Variants in AFF3 observed in about 807,000 individuals in gnomAD.
AFF3 encodes AF4/FMR2 family member 3.
AFF3 carries 32 observed loss-of-function variants against 129.7 expected under a neutral mutation model. The observed-to-expected ratio is 0.25, with a 90% CI of 0.19 to 0.33. The LOEUF is 0.33. AFF3 is among the 10% of genes least tolerant of loss of function. The pLI, the probability that AFF3 is intolerant of heterozygous loss-of-function variation, is 1.00. For synonymous variants in AFF3, 644 were observed against 635.4 expected, an observed-to-expected ratio of 1.01 and a Z score of -0.20; for missense variants, 1,373 against 1,592.0, an observed-to-expected ratio of 0.86 and a Z score of 2.34.
In AFF3 at chr2:99,672,433, A is replaced by G; in HGVS notation, c.1143+105T>C. The G allele has an allele frequency of 6.8e-6, 7 of 1,026,074 alleles. No individual in the cohort carries two copies. In the South Asian group the frequency reaches 1.0e-4, roughly 15 times the overall value. 63.6% of individuals were successfully genotyped at this position (1,026,074 alleles called of 1,614,324 possible). ...CACACTTAGCAGACAAAAGACCAGC[A>G]GCCTGGAGTGCCACCATTCAGCTTG... On this transcript the variant is annotated intron_variant, in intron 12 of 24. Transcript: ENST00000672756.
chr2:99,563,855 ATTTGTCTT>A (rs1237956108), intron 20 of AFF3, among the ~76,000 whole-genome samples: 3 of 151,468 alleles, frequency 2.0e-5, no homozygotes, highest in Non-Finnish European at 4.4e-5. Context: ...AAAGAGCCAA[ATTTGTCTT>A]TTTGTCTTTG....
intron 4 of AFF3, among the ~76,000 whole-genome samples, chr2:100,055,395 A>G (rs561534429): frequency 1.3e-5 from 2 of 150,328 alleles, no homozygotes; most frequent in East Asian, 2.0e-4. Flanking sequence ...TGCACTCCCC[A>G]CTAGCACCCT....
At chr2:100,131,330 C>A (rs569161582) in intron 1 of AFF3, among the ~76,000 whole-genome samples, 2 of 152,344 alleles carry the variant, frequency 1.3e-5, no homozygotes, top group East Asian at 1.9e-4. Context: ...AGAACTTCTG[C>A]AGCACCCTCT....
rs558129525 is a variant in AFF3, at chr2:99,844,936, G to C, written c.874-7412C>G. 4.6e-5 allele frequency among the ~76,000 whole-genome samples: 7 copies of C among 150,850 alleles called. No individual in the cohort carries two copies. In the East Asian group the frequency reaches 1.4e-3, roughly 29 times the overall value. ...AGGCATTCGATTATATTTGTTGAAT[G>C]AATAAATTAATGACCAATACACTAA... On this transcript the variant is annotated intron_variant, in intron 7 of 24. Transcript: ENST00000672756.
At chr2:100,074,311 TCCTCAGTAC>T (rs1688426920) in intron 4 of AFF3, among the ~76,000 whole-genome samples, 1 of 152,150 alleles carries the variant, frequency 6.6e-6, no homozygotes, top group Non-Finnish European at 1.5e-5. Flanking sequence ...TCCAAAGTAT[TCCTCAGTAC>T]CCTCTTGTTC....
chr2:99,654,383 T>C (rs1375775249), intron 12 of AFF3, among the ~76,000 whole-genome samples: 1 of 152,206 alleles, frequency 6.6e-6, no homozygotes, highest in African/African-American at 2.4e-5. Context: ...CCAAGATGTT[T>C]TTACTGACTC....
At chr2:99,915,778 C>T (rs1695434474) in intron 7 of AFF3, among the ~76,000 whole-genome samples, 1 of 152,090 alleles carries the variant, frequency 6.6e-6, no homozygotes, top group South Asian at 2.1e-4. Flanking sequence ...CAGGTGTTTA[C>T]TGTATTAGTC....
At chr2:99,930,920 GCT>G (rs946683025) in intron 7 of AFF3, among the ~76,000 whole-genome samples, 1 of 152,066 alleles carries the variant, frequency 6.6e-6, no homozygotes, top group Non-Finnish European at 1.5e-5. Context: ...ACTTACAATG[GCT>G]CTCACAGCAC....
chr2:99,596,971 G>A (rs1355317497), intron 14 of AFF3, among the ~76,000 whole-genome samples: 2 of 152,096 alleles, frequency 1.3e-5, no homozygotes, highest in East Asian at 3.8e-4. Context: ...GCGTTTAAGG[G>A]CGTCCATTAT....
intron 21 of AFF3, 36 bp downstream of exon 21, chr2:99,560,329 C>T: frequency 1.2e-6 from 2 of 1,606,762 alleles, no homozygotes; most frequent in Non-Finnish European, 1.7e-6. Context: ...GCATGCGAGG[C>T]TGGGGCTGCT....
Position 100,007,287 on chromosome 2 carries a change from T to C in AFF3, c.348A>G (p.Ser116=). 1 of 1,614,136 alleles carries C rather than the reference T, an allele frequency of 6.2e-7. No individual in the cohort carries two copies. Among genetic ancestry groups the C allele is most frequent in the Non-Finnish European group, 8.5e-7 (1 of 1,180,026 alleles). Residue 116 remains serine (S), a synonymous_variant, in exon 6 of 25, where the codon TCA becomes TCG. Transcript: ENST00000672756. ...NKIDEHFVAD[S]RAQNQPSSIC... is the part of the protein sequence containing the mutation. ...TAGACGAGGGCTGGTTCTGGGCTCT[T>C]GAATCTGCAACAAAATGTTCATCGA... is the stretch of plus-strand genomic sequence containing the variant.
At chr2:99,917,192 G>T (rs902331772) in intron 7 of AFF3, among the ~76,000 whole-genome samples, 5 of 152,200 alleles carry the variant, frequency 3.3e-5, no homozygotes, top group Admixed American at 1.3e-4. Flanking sequence ...AGAAACAGAA[G>T]GGTAGTGACC....
intron 11 of AFF3, among the ~76,000 whole-genome samples, chr2:99,723,151 CT>C (rs984606131): frequency 1.3e-5 from 2 of 152,108 alleles, no homozygotes; most frequent in African/African-American, 4.8e-5. Context: ...TTAATTTGTG[CT>C]TTTGTGTGTG....
intron 11 of AFF3, chr2:99,707,268 G>A: frequency 1.0e-6 from 1 of 985,334 alleles, no homozygotes; most frequent in South Asian, 4.7e-5. Flanking sequence ...ATTAAAGGAA[G>A]AGCCTTCTTG....
intron 8 of AFF3, among the ~76,000 whole-genome samples, chr2:99,813,672 C>T (rs951733301): frequency 1.3e-5 from 2 of 152,190 alleles, no homozygotes; most frequent in African/African-American, 4.8e-5. Context: ...AGAACAAACA[C>T]ACCTACTTCT....
intron 4 of AFF3, among the ~76,000 whole-genome samples, chr2:100,052,132 C>T (rs979256976): frequency 2.6e-5 from 4 of 152,182 alleles, no homozygotes; most frequent in Admixed American, 1.3e-4. Context: ...CACTGATGTG[C>T]TGCTTTCATG....
intron 7 of AFF3, among the ~76,000 whole-genome samples, chr2:99,922,021 G>A (rs79086682): frequency 0.013 from 1,929 of 152,098 alleles, 45 homozygotes; most frequent in African/African-American, 0.044. Flanking sequence ...ACCAACACTC[G>A]CTCACTAGAA....
At chr2:99,843,436 A>C (rs1297925142) in intron 7 of AFF3, among the ~76,000 whole-genome samples, 1 of 152,256 alleles carries the variant, frequency 6.6e-6, no homozygotes, top group East Asian at 1.9e-4. Flanking sequence ...GAAAATGCAA[A>C]GGAAAAATAC....
At chr2:99,595,352 C>T (rs1200070940) in intron 14 of AFF3, among the ~76,000 whole-genome samples, 2 of 152,094 alleles carry the variant, frequency 1.3e-5, no homozygotes, top group Non-Finnish European at 2.9e-5. Flanking sequence ...AGTATTTTGG[C>T]TAAGGTGATG....
Sources: gnomAD v4.1 joint callset for allele counts (sites outside exome capture counted in the v4.1 genomes callset) on GRCh38, gnomAD v4.1.1 for gene constraint, MANE v1.5 for transcripts, NCBI Gene and HGNC (gene_info 2026-07-23, HGNC 2026-07-21) for gene names.